Variants in PTPRT observed in about 807,000 individuals in gnomAD.
PTPRT encodes the protein protein tyrosine phosphatase receptor type T, also known as receptor-type tyrosine-protein phosphatase T.
PTPRT carries 56 observed loss-of-function variants against 176.8 expected under a neutral mutation model. The observed-to-expected ratio is 0.32, with a 90% CI of 0.26 to 0.40. The LOEUF (loss-of-function observed/expected upper bound fraction) is 0.40, where lower values mean the gene tolerates loss of function less well. Among genes scored for constraint, PTPRT ranks in the 10% least tolerant of loss-of-function variants. The pLI, the probability that PTPRT is intolerant of heterozygous loss-of-function variation, is 1.00. For synonymous variants in PTPRT, 783 were observed against 739.0 expected (o/e 1.06, Z -0.96); for missense variants, 1,540 against 1,908.2 (o/e 0.81, Z 3.60).
intron 9 of PTPRT, among the ~76,000 whole-genome samples, chr20:42,445,190 T>A (rs747781314): frequency 6.6e-6 from 1 of 152,208 alleles, no homozygotes; most frequent in Non-Finnish European, 1.5e-5. Flanking sequence ...GGGTTTGGCA[T>A]CTGGGTAATA....
intron 1 of PTPRT, among the ~76,000 whole-genome samples, chr20:43,187,527 G>A (rs943056768): frequency 6.6e-6 from 1 of 151,630 alleles, no homozygotes; most frequent in African/African-American, 2.4e-5. Context: ...GGAAAGGAGA[G>A]GACAGATATA....
intron 6 of PTPRT, among the ~76,000 whole-genome samples, chr20:42,744,722 C>T (rs1215979010): frequency 6.6e-6 from 1 of 152,202 alleles, no homozygotes; most frequent in African/African-American, 2.4e-5. Flanking sequence ...GGGACCCAGG[C>T]GTGTTCAATC....
At chr20:42,973,008 C>T (rs1261312813) in intron 1 of PTPRT, among the ~76,000 whole-genome samples, 2 of 151,878 alleles carry the variant, frequency 1.3e-5, no homozygotes, top group African/African-American at 2.4e-5. Context: ...TTGATCAGCA[C>T]ACCTGAACAG....
At chr20:42,907,975 T>C (rs533777727) in intron 1 of PTPRT, among the ~76,000 whole-genome samples, 1 of 151,842 alleles carries the variant, frequency 6.6e-6, no homozygotes, top group East Asian at 1.9e-4. Context: ...AGTTCCTGGG[T>C]ACCCCACCAA....
intron 16 of PTPRT, among the ~76,000 whole-genome samples, chr20:42,179,944 A>G (rs1990445363): frequency 6.6e-6 from 1 of 152,218 alleles, no homozygotes. Context: ...TCAATGCTAG[A>G]TCATCTTGAG....
intron 7 of PTPRT, among the ~76,000 whole-genome samples, chr20:42,650,058 A>C (rs1192962810): frequency 6.6e-6 from 1 of 152,230 alleles, no homozygotes; most frequent in East Asian, 1.9e-4. Context: ...CTCAGCTGCA[A>C]GAGGGGCATA....
intron 1 of PTPRT, among the ~76,000 whole-genome samples, chr20:43,154,837 G>T (rs1440882724): frequency 6.6e-6 from 1 of 152,022 alleles, no homozygotes; most frequent in Non-Finnish European, 1.5e-5. Flanking sequence ...TATATAAGAA[G>T]TTCAAGCAAT....
At chr20:42,086,753 A>AAAATATATATATATATATATATAT (rs1983991312) in intron 27 of PTPRT, among the ~76,000 whole-genome samples, 7 of 95,520 alleles carry the variant, frequency 7.3e-5, no homozygotes, top group East Asian at 3.4e-4. Flanking sequence ...AAAAAAAAAA[A>AAAATATATATATATATATATATAT]ATATATATAT....
At position 42,084,801 on chromosome 20, in the gene PTPRT, G is replaced by A; in HGVS notation, c.4017C>T (p.Gly1339=). 1.3e-6 allele frequency: 2 copies of A among 1,547,046 alleles called. No individual in the cohort carries two copies. The change falls in exon 29 of 31, where the codon GGC becomes GGT. Residue 1339 remains glycine, a synonymous_variant. Transcript: ENST00000373187. ...GGGGCGTGTCCCGGTAGGCAGGCCA[G>A]CCAATGTACTGGAGGTGCTGGACTA... ...YRIVQHLQYI[G]WPAYRDTPPS... is the part of the protein sequence containing the mutation.
chr20:42,200,844 A>T (rs1991420268), intron 15 of PTPRT, among the ~76,000 whole-genome samples: 1 of 152,184 alleles, frequency 6.6e-6, no homozygotes, highest in South Asian at 2.1e-4. Context: ...GTAGGCTTCA[A>T]ATTCAATTTT....
chr20:42,390,138 G>A (rs2058787096), intron 9 of PTPRT, among the ~76,000 whole-genome samples: 2 of 152,144 alleles, frequency 1.3e-5, no homozygotes, highest in Non-Finnish European at 2.9e-5. Context: ...ATCCTCAGCA[G>A]CTAGTATAAT....
intron 1 of PTPRT, among the ~76,000 whole-genome samples, chr20:43,120,349 G>T (rs1309892215): frequency 6.6e-6 from 1 of 151,468 alleles, no homozygotes; most frequent in African/African-American, 2.4e-5. Flanking sequence ...TCGGCTCACT[G>T]CAAGCTCCGC....
chr20:42,937,552 T>C (rs1980269033), intron 1 of PTPRT, among the ~76,000 whole-genome samples: 1 of 152,206 alleles, frequency 6.6e-6, no homozygotes, highest in Non-Finnish European at 1.5e-5. Flanking sequence ...TCAGCCAAAA[T>C]AAAATCCTAT....
At chr20:42,926,108 C>T (rs1034257384) in intron 1 of PTPRT, among the ~76,000 whole-genome samples, 1 of 152,212 alleles carries the variant, frequency 6.6e-6, no homozygotes, top group Non-Finnish European at 1.5e-5. Context: ...CAGACCAGGC[C>T]AGCCTGTGGG....
intron 16 of PTPRT, among the ~76,000 whole-genome samples, chr20:42,194,736 G>T (rs1186667499): frequency 6.6e-6 from 1 of 152,158 alleles, no homozygotes; most frequent in Non-Finnish European, 1.5e-5. Context: ...CACGTTGTTT[G>T]TCCTTGAAAT....
the PTPRT span, among the ~76,000 whole-genome samples, chr20:42,044,454 T>C: frequency 1.3e-5 from 2 of 152,302 alleles, no homozygotes; most frequent in South Asian, 2.1e-4. Flanking sequence ...ATGCTAGGCA[T>C]TGGGCATAGA....
chr20:42,834,115 T>C (rs368897094), intron 2 of PTPRT, among the ~76,000 whole-genome samples: 2 of 152,108 alleles, frequency 1.3e-5, no homozygotes, highest in South Asian at 4.1e-4. Context: ...ATCCCAGATC[T>C]GACAAAATGC....
chr20:42,459,051 T>A (rs529417695), intron 8 of PTPRT, among the ~76,000 whole-genome samples: 1 of 152,158 alleles, frequency 6.6e-6, no homozygotes, highest in South Asian at 2.1e-4. Context: ...TGTAGGAGAC[T>A]TCCAGTTTTT....
chr20:42,737,507 T>TA (rs2076557318), intron 6 of PTPRT, among the ~76,000 whole-genome samples: 1 of 152,076 alleles, frequency 6.6e-6, no homozygotes, highest in Non-Finnish European at 1.5e-5. Flanking sequence ...GGTGGGAGTC[T>TA]GTAATCCCAG....
Sources: gnomAD v4.1 joint callset for allele counts (sites outside exome capture counted in the v4.1 genomes callset) on GRCh38, gnomAD v4.1.1 for gene constraint, MANE v1.5 for transcripts, NCBI Gene and HGNC (gene_info 2026-07-23, HGNC 2026-07-21) for gene names.